KIF26A: variants seen among roughly 807,000 people sequenced by gnomAD.
KIF26A encodes the protein kinesin family member 26A.
Under a neutral mutation model 126.0 loss-of-function variants are expected in KIF26A, and 74 were observed. That is an observed-to-expected ratio of 0.59 (90% confidence interval 0.49 to 0.71). The LOEUF is 0.71. Among genes scored for constraint, KIF26A ranks in the 30% least tolerant of loss-of-function variants. The probability of loss-of-function intolerance (pLI) is 0.00; values close to 1 mark genes in which losing one functional copy is unlikely to be tolerated. For missense variants in KIF26A, 2,984 were observed against 2,763.3 expected (o/e 1.08, Z -1.79); for synonymous variants, 1,445 against 1,232.7 (o/e 1.17, Z -3.61).
At position 104,177,738 on chromosome 14, in the gene KIF26A, T is replaced by G. The variant is rs1002433365; in HGVS notation, c.4950T>G (p.Leu1650=). ...ELPPAMGRTA[L]FHHSGGSSGY... ...CGCCCGCCATGGGCCGCACCGCCCT[T>G]TTCCACCACAGCGGTGGCAGCAGTG... Residue 1650 remains leucine, a synonymous_variant, in exon 12 of 15, where the codon CTT becomes CTG. Transcript: ENST00000423312. The G allele has an allele frequency of 1.3e-6, 2 of 1,543,254 alleles. No homozygotes were observed. Among genetic ancestry groups the G allele is most frequent in the Non-Finnish European group, 1.7e-6 (2 of 1,151,350 alleles).
Position 104,175,010 on chromosome 14 carries a change from G to T in KIF26A, c.2222G>T (p.Ser741Ile). The change falls in exon 12 of 15, where the codon AGC (serine) becomes ATC (isoleucine). Residue 741 changes from serine (S) to isoleucine (I), a missense_variant. Coordinates refer to ENST00000423312, the MANE Select transcript of KIF26A (RefSeq NM_015656.2). ...KYASSSSGGE[S>I]SCEEGRARRP... Reference sequence around the variant, plus strand: ...GCCTCCAGCTCCTCTGGCGGGGAGAGCTCCTGTGAGGAAGGCCGGGCCCGT... The same window carrying T: ...GCCTCCAGCTCCTCTGGCGGGGAGATCTCCTGTGAGGAAGGCCGGGCCCGT... 1 of 1,553,476 alleles carries T rather than the reference G, an allele frequency of 6.4e-7. No homozygotes were observed. The highest frequency in any genetic ancestry group is 2.4e-5 in the East Asian group (1 of 41,866).
intron 3 of KIF26A, among the ~76,000 whole-genome samples, chr14:104,157,048 G>A (rs937612420): frequency 6.6e-6 from 1 of 152,150 alleles, no homozygotes; most frequent in African/African-American, 2.4e-5. Context: ...CTTGCCTGGG[G>A]TTGCATCCCC....
chr14:104,173,440 C>G lies in KIF26A; in HGVS notation c.1794C>G (p.Ala598=), dbSNP rs759665091. 6.3e-7 allele frequency: 1 copy of G among 1,586,084 alleles called. No individual in the cohort carries two copies. Among genetic ancestry groups the G allele is most frequent in the South Asian group, 1.1e-5 (1 of 87,592 alleles). ...STSRAGCGED[A]RRSSHMLFTL... is the part of the protein sequence containing the mutation. Reference sequence around the variant, plus strand: ...GCCGAGCGGGCTGTGGCGAGGACGCCCGACGCAGCTCCCACATGTTGTTCA... The same window carrying G: ...GCCGAGCGGGCTGTGGCGAGGACGCGCGACGCAGCTCCCACATGTTGTTCA... Residue 598 remains alanine (A), a synonymous_variant, in exon 9 of 15, where the codon GCC becomes GCG. Transcript: ENST00000423312.
Position 104,139,122 on chromosome 14 carries a change from A to C in KIF26A, c.122A>C (p.Asp41Ala). ...SPRKRLPAGP[D>A]QDPCGSRPAP... Reference sequence around the variant, plus strand: ...CGAAAGAGGCTACCCGCCGGGCCCGACCAGGACCCATGCGGCAGCCGCCCT... The same window carrying C: ...CGAAAGAGGCTACCCGCCGGGCCCGCCCAGGACCCATGCGGCAGCCGCCCT... The change falls in exon 2 of 15, where the codon GAC becomes GCC. Residue 41 changes from aspartate (D) to alanine (A), a missense_variant. Physicochemically the swap from Asp to Ala is moderately radical, Grantham distance 126. Transcript: ENST00000423312. The C allele has an allele frequency of 6.6e-7, 1 of 1,507,132 alleles. No individual in the cohort carries two copies. Among genetic ancestry groups the C allele is most frequent in the Non-Finnish European group, 8.9e-7 (1 of 1,129,004 alleles). 93.4% of individuals were successfully genotyped at this position (1,507,132 alleles called of 1,614,324 possible).
At chr14:104,150,950 G>A (rs1488059827) in intron 2 of KIF26A, among the ~76,000 whole-genome samples, 2 of 152,142 alleles carry the variant, frequency 1.3e-5, no homozygotes, top group African/African-American at 4.8e-5. Context: ...GGGTGCAGAC[G>A]CAGAGGGCCT....
intron 5 of KIF26A, 53 bp from the exon 6 acceptor site, chr14:104,171,670 A>T (rs2037958065): frequency 6.1e-6 from 9 of 1,463,994 alleles, no homozygotes; most frequent in Non-Finnish European, 7.4e-6. Flanking sequence ...CCCTGTAATT[A>T]GTGGCCGGCT....
chr14:104,167,757 T>C (rs1434454714), intron 5 of KIF26A, among the ~76,000 whole-genome samples: 9 of 152,112 alleles, frequency 5.9e-5, no homozygotes, highest in African/African-American at 2.2e-4. Context: ...GGGAAGCCAG[T>C]CACACAGCTC....
rs1304540922 is a variant in KIF26A, at chr14:104,178,625, G to T, written c.5186G>T (p.Gly1729Val). The T allele has an allele frequency of 1.9e-6, 3 of 1,549,394 alleles. No homozygotes were observed. The highest frequency in any genetic ancestry group is 2.7e-5 in the African/African-American group (2 of 72,984). The change falls in exon 13 of 15, where the codon GGG (glycine) becomes GTG (valine). Residue 1729 changes from glycine to valine, a missense_variant. Transcript: ENST00000423312. The part of the protein sequence containing the change: ...TALGRKPSLP[G>V]QWVDLPPPLA... ...CTGGGCCGTAAGCCCAGCCTCCCCG[G>T]GCAGTGGGTGGACCTGCCCCCGCCC...
chr14:104,171,251 C>T (rs1027838473), intron 5 of KIF26A, among the ~76,000 whole-genome samples: 7 of 152,258 alleles, frequency 4.6e-5, no homozygotes, highest in African/African-American at 1.7e-4. Context: ...GCTCCCCTGA[C>T]AGCGCCAGCC....
At chr14:104,140,081 T>A (rs1205910199) in intron 2 of KIF26A, among the ~76,000 whole-genome samples, 1 of 152,148 alleles carries the variant, frequency 6.6e-6, no homozygotes, top group Non-Finnish European at 1.5e-5. Context: ...ATGAAAGAGT[T>A]CCTGGGAAGT....
chr14:104,138,596 C>T lies in KIF26A; in HGVS notation c.-127C>T, dbSNP rs369069451. 142 of 689,090 alleles carry T rather than the reference C, an allele frequency of 2.1e-4. No individual in the cohort carries two copies. In the East Asian group the frequency reaches 3.9e-3, roughly 19 times the overall value. 42.7% of individuals were successfully genotyped at this position (689,090 alleles called of 1,614,324 possible). A position where few individuals can be genotyped will look rare whatever the true frequency, so the allele number is the denominator to read the frequency against. Reference sequence around the variant, plus strand: ...CCGCGCTCCTCGCGACACTCGCAGGCTCTGCGAACTTCCGAGCGGCTGGGC... The same window carrying T: ...CCGCGCTCCTCGCGACACTCGCAGGTTCTGCGAACTTCCGAGCGGCTGGGC... On this transcript the variant is annotated 5_prime_UTR_variant, in exon 1 of 15. Transcript: ENST00000423312.
chr14:104,177,999 T>G, intron 12 of KIF26A, 101 bp downstream of exon 12: 2 of 1,277,362 alleles, frequency 1.6e-6, no homozygotes, highest in Non-Finnish European at 2.0e-6. Context: ...GCTGGACAGA[T>G]GGGCACAGCC....
In KIF26A at chr14:104,176,241, T is replaced by C. The variant is rs748058781; in HGVS notation, c.3453T>C (p.Gly1151=). The change falls in exon 12 of 15, where the codon GGT becomes GGC. Residue 1151 remains glycine (G), a synonymous_variant. Transcript: ENST00000423312. ...CTGGGGGCCCCCCTGCCCTGGATGG[T>C]TCCCTGGGGGATGGAAGCTCTGGGT... is the stretch of plus-strand genomic sequence containing the variant. ...LDPGGPPALD[G]SLGDGSSGFL... The C allele has an allele frequency of 3.1e-6, 5 of 1,599,364 alleles. No homozygotes were observed. The highest frequency in any genetic ancestry group is 4.3e-6 in the Non-Finnish European group (5 of 1,173,546).
In KIF26A at chr14:104,151,546, C is replaced by G. The variant is rs953549070; in HGVS notation, c.289-469C>G. Among the ~76,000 whole-genome samples, 5 of 152,348 alleles carry G rather than the reference C, an allele frequency of 3.3e-5. No individual in the cohort carries two copies. Among genetic ancestry groups the G allele is most frequent in the African/African-American group, 1.2e-4 (5 of 41,572 alleles). ...TGATTTGATTTTCCACCTGCCCCAC[C>G]GGGGCTGGAGACCTGAAGAGGAAGG... On this transcript the variant is annotated intron_variant, in intron 2 of 14. Transcript: ENST00000423312. This position sits in a 1 kb window ranked among gnomAD's most constrained non-coding sequence, Gnocchi z 4.9.
chr14:104,178,356 C>T (rs1467727482), intron 12 of KIF26A, among the ~76,000 whole-genome samples, 194 bp from the exon 13 acceptor site: 1 of 152,074 alleles, frequency 6.6e-6, no homozygotes, highest in East Asian at 1.9e-4. Context: ...GGTGGGGGCG[C>T]CCTTGAGAGC....
intron 2 of KIF26A, among the ~76,000 whole-genome samples, chr14:104,139,493 C>T (rs1179660072): frequency 2.0e-5 from 3 of 152,322 alleles, no homozygotes. Flanking sequence ...CCCGAGGGGC[C>T]CTGCTGCCTC....
At chr14:104,161,998 C>T (rs751869465) in intron 4 of KIF26A, among the ~76,000 whole-genome samples, 3 of 152,196 alleles carry the variant, frequency 2.0e-5, no homozygotes, top group Non-Finnish European at 4.4e-5. Flanking sequence ...GTTCCTGCCT[C>T]CACAGGGCCG....
At chr14:104,159,137 C>T (rs143770149) in intron 4 of KIF26A, among the ~76,000 whole-genome samples, 274 of 152,336 alleles carry the variant, frequency 1.8e-3, no homozygotes, top group Non-Finnish European at 3.4e-3. Context: ...AGACCGCGCA[C>T]GTGACCAGTG....
intron 5 of KIF26A, among the ~76,000 whole-genome samples, chr14:104,169,144 C>T (rs111849544): frequency 0.058 from 8,883 of 152,286 alleles, 269 homozygotes; most frequent in African/African-American, 0.064. Flanking sequence ...GCCAGGCTGC[C>T]GCTGCCCTGG....
Sources: gnomAD v4.1 joint callset for allele counts (sites outside exome capture counted in the v4.1 genomes callset) on GRCh38, gnomAD v4.1.1 for gene constraint, Gnocchi (gnomAD v3.1) non-coding constraint, MANE v1.5 for transcripts, NCBI Gene and HGNC (gene_info 2026-07-23, HGNC 2026-07-21) for gene names.